The following SHOC1 variants were observed in gnomAD, a reference collection of about 807,000 sequenced individuals.
SHOC1 encodes shortage in chiasmata 1.
SHOC1 carries 136 observed loss-of-function variants against 179.2 expected under a neutral mutation model. The observed-to-expected ratio is 0.76, with a 90% CI of 0.66 to 0.87. SHOC1 has a LOEUF of 0.87. SHOC1 is among the 40% of genes least tolerant of loss of function. The pLI, the probability that SHOC1 is intolerant of heterozygous loss-of-function variation, is 0.00. For missense variants in SHOC1, 1,538 were observed against 1,700.8 expected, an observed-to-expected ratio of 0.90 and a Z score of 1.68; for synonymous variants, 489 against 586.6, an observed-to-expected ratio of 0.83 and a Z score of 2.41.
intron 18 of SHOC1, among the ~76,000 whole-genome samples, chr9:111,710,143 G>A (rs994087973): frequency 2.0e-5 from 3 of 152,098 alleles, no homozygotes; most frequent in Non-Finnish European, 4.4e-5. Context: ...GACAACTGTG[G>A]TAGTCTCAGC....
Position 111,692,530 on chromosome 9 carries a change from T to C in SHOC1, c.3466-19A>G. ...AAAAATGCTAAAAAATGAATTAATA[T>C]AATGCAAATGTCAGTTTAGTAAATA... On this transcript the variant is annotated intron_variant, in intron 26 of 27. Transcript: ENST00000682961. 2 of 1,507,074 alleles carry C rather than the reference T, an allele frequency of 1.3e-6. No homozygotes were observed. 93.4% of individuals were successfully genotyped at this position (1,507,074 alleles called of 1,614,324 possible).
Position 111,694,255 on chromosome 9 carries a change from G to A in SHOC1, c.3291C>T (p.Ser1097=). The change falls in exon 25 of 28, where the codon TCC becomes TCT. Residue 1097 remains serine, a synonymous_variant. Transcript: ENST00000682961. Reference sequence around the variant, plus strand: ...CCTCAGATGGTGAAACTTTAAGCCAGGATTTATCCAACCATTCATGAGGAT... The same window carrying A: ...CCTCAGATGGTGAAACTTTAAGCCAAGATTTATCCAACCATTCATGAGGAT... The part of the protein sequence containing the change: ...KRDPHEWLDK[S]WLKVSPSEEE... The A allele has an allele frequency of 6.2e-7, 1 of 1,609,932 alleles. No individual in the cohort carries two copies. The highest frequency in any genetic ancestry group is 8.5e-7 in the Non-Finnish European group (1 of 1,177,668).
rs541295967 is a variant in SHOC1 at position 111,716,734 on chromosome 9, G to A, written c.2236+1450C>T. 5.3e-5 allele frequency among the ~76,000 whole-genome samples: 8 copies of A among 152,254 alleles called. No individual in the cohort carries two copies. The South Asian group carries it at 1.4e-3, about 28-fold the overall frequency. The stretch of plus-strand genomic sequence containing the variant: ...AATCCAAGGCTTTGGTAAGTATTGA[G>A]CATACTGTACTTGTCTAGATTATGC... On this transcript the variant is annotated intron_variant, in intron 16 of 27. Transcript: ENST00000682961.
intron 10 of SHOC1, 62 bp downstream of exon 10, chr9:111,746,172 A>T: frequency 8.8e-7 from 1 of 1,142,190 alleles, no homozygotes; most frequent in Non-Finnish European, 1.3e-6. Flanking sequence ...ATATGGAGAG[A>T]TTTAAATAAA....
In SHOC1 at chr9:111,772,370, A is replaced by G. The variant is rs530559329; in HGVS notation, c.442+3421T>C. 2.6e-5 allele frequency among the ~76,000 whole-genome samples: 4 copies of G among 152,176 alleles called. No individual in the cohort carries two copies. In the South Asian group the frequency reaches 8.3e-4, roughly 32 times the overall value. Reference sequence around the variant, plus strand: ...AATTTCCTTGAAACTGCTCTTTTGAATTTTTGGTCAGAGAGCTCACAAATG... The same window carrying G: ...AATTTCCTTGAAACTGCTCTTTTGAGTTTTTGGTCAGAGAGCTCACAAATG... On this transcript the variant is annotated intron_variant, in intron 5 of 27. Coordinates refer to ENST00000682961, the MANE Select transcript of SHOC1 (RefSeq NM_001378211.1).
intron 5 of SHOC1, among the ~76,000 whole-genome samples, chr9:111,762,578 G>A (rs891560088): frequency 2.0e-5 from 3 of 151,882 alleles, no homozygotes; most frequent in Non-Finnish European, 2.9e-5. Context: ...TTGAATTATA[G>A]AATTATGAGT....
At chr9:111,756,071 G>A (rs772318908) in intron 8 of SHOC1, among the ~76,000 whole-genome samples, 2 of 152,030 alleles carry the variant, frequency 1.3e-5, no homozygotes, top group Non-Finnish European at 2.9e-5. Context: ...GTGGTGAGCT[G>A]AGATCTTGCC....
At chr9:111,761,938 GCAT>G (rs1835155807) in intron 5 of SHOC1, among the ~76,000 whole-genome samples, 2 of 151,960 alleles carry the variant, frequency 1.3e-5, no homozygotes, top group Non-Finnish European at 1.5e-5. Flanking sequence ...CATAAACAGG[GCAT>G]TCTCATACCA....
At chr9:111,761,342 A>G (rs1387711008) in intron 5 of SHOC1, among the ~76,000 whole-genome samples, 1 of 152,080 alleles carries the variant, frequency 6.6e-6, no homozygotes, top group Non-Finnish European at 1.5e-5. Context: ...TCTCTACTAA[A>G]AATACAAAAA....
chr9:111,779,729 T>C (rs916635715), intron 4 of SHOC1, among the ~76,000 whole-genome samples: 13 of 152,186 alleles, frequency 8.5e-5, no homozygotes, highest in African/African-American at 3.1e-4. Flanking sequence ...CACCTAGAAA[T>C]AGATTAGAAT....
chr9:111,785,033 A>C (rs1836213312), intron 3 of SHOC1, among the ~76,000 whole-genome samples: 2 of 152,316 alleles, frequency 1.3e-5, no homozygotes, highest in Admixed American at 1.3e-4. Flanking sequence ...TTATTCGGAA[A>C]TTGCCTACTT....
intron 5 of SHOC1, among the ~76,000 whole-genome samples, chr9:111,770,891 C>T (rs1365636882): frequency 6.6e-6 from 1 of 152,098 alleles, no homozygotes; most frequent in Non-Finnish European, 1.5e-5. Context: ...GCTTCTCTTT[C>T]AGTCTGTGTG....
At position 111,759,794 on chromosome 9, in the gene SHOC1, G is replaced by A. The variant is rs368250128; in HGVS notation, c.443-946C>T. On this transcript the variant is annotated intron_variant, in intron 5 of 27. Transcript: ENST00000682961. ...GTTTTCAGGTAGTAATGTCTCCCAC[G>A]GTTAACTACATAATTGGTATGCAGG... 2.6e-5 allele frequency among the ~76,000 whole-genome samples: 4 copies of A among 152,100 alleles called. No individual in the cohort carries two copies. In the East Asian group the frequency reaches 5.8e-4, roughly 22 times the overall value.
At chr9:111,785,686 A>G (rs536631649) in intron 3 of SHOC1, among the ~76,000 whole-genome samples, 4 of 152,198 alleles carry the variant, frequency 2.6e-5, no homozygotes, top group Admixed American at 6.5e-5. Flanking sequence ...CATCATCTAC[A>G]TATCTTTTAT....
chr9:111,789,306 T>C (rs1355083890), intron 2 of SHOC1, among the ~76,000 whole-genome samples: 1 of 152,148 alleles, frequency 6.6e-6, no homozygotes, highest in Non-Finnish European at 1.5e-5. Context: ...TAGTATTTAA[T>C]CTAAAAAATG....
intron 16 of SHOC1, 97 bp downstream of exon 16, chr9:111,718,087 T>G: frequency 2.6e-6 from 2 of 769,938 alleles, no homozygotes; most frequent in Admixed American, 3.1e-5. Context: ...GAAGGCTACA[T>G]CATTTCTTAT....
In SHOC1 at chr9:111,738,409, G is replaced by A. The variant is rs1259041904; in HGVS notation, c.1288C>T (p.Gln430Ter). ...ATCATTTTCAGATTTAGTCCTGCTT[G>A]TTTCCACCACTCTGCCTTTTCCAGA... Reference protein sequence around the residue: ...INLEKAEWWKQAGLNLKMMET... With the variant: ...INLEKAEWWK Residue 430 changes from glutamine to a stop codon, truncating the protein, a stop_gained, in exon 12 of 28, where the codon CAA (glutamine) becomes TAA (stop). Transcript: ENST00000682961. LOFTEE classifies it high-confidence loss of function. The A allele has an allele frequency of 4.3e-6, 7 of 1,612,562 alleles. No individual in the cohort carries two copies. Among genetic ancestry groups the A allele is most frequent in the Admixed American group, 1.7e-5 (1 of 59,786 alleles).
rs112756068 is a variant in SHOC1 at position 111,758,785 on chromosome 9, G to C, written c.506C>G (p.Pro169Arg). The change falls in exon 6 of 28, where the codon CCT becomes CGT. Residue 169 changes from proline to arginine, a missense_variant. Pro to Arg is a moderately radical substitution (Grantham distance 103). Transcript: ENST00000682961. ...CAGTTTTAGTCTACTCAAGAGAGTA[G>C]GCAAAGTTGGTAGGTGTTTTCTACT... ...VSSRKHLPTL[P>R]TLLSRLKLFL... 5 of 1,596,762 alleles carry C rather than the reference G, an allele frequency of 3.1e-6. No individual in the cohort carries two copies. Among genetic ancestry groups the C allele is most frequent in the African/African-American group, 2.7e-5 (2 of 74,296 alleles).
Position 111,700,056 on chromosome 9 carries a change from A to T in SHOC1, c.3090-9T>A. 1 of 1,330,854 alleles carries T rather than the reference A, an allele frequency of 7.5e-7. No homozygotes were observed. The highest frequency in any genetic ancestry group is 1.1e-6 in the Non-Finnish European group (1 of 936,082). The allele number at this position is 1,330,854 out of a possible 1,614,324, so 82.4% of individuals were successfully genotyped here. ...TTTCTGTAAGCAGATACCTACAAAG[A>T]ATTATATTACTATATTTCTATTCAT... On this transcript the variant is annotated splice_polypyrimidine_tract_variant and intron_variant, in intron 23 of 27. Coordinates refer to ENST00000682961, the MANE Select transcript of SHOC1 (RefSeq NM_001378211.1).
Sources: allele counts gnomAD v4.1 joint callset (sites outside exome capture counted in the v4.1 genomes callset), GRCh38; gene constraint gnomAD v4.1.1; transcripts MANE v1.5; gene names NCBI Gene and HGNC (gene_info 2026-07-23, HGNC 2026-07-21).